Variants in MARCHF1 observed in about 807,000 individuals in gnomAD.
MARCHF1 encodes the protein membrane associated ring-CH-type finger 1.
In MARCHF1, 40 loss-of-function variants were observed where a neutral mutation model predicts 54.2. That is an observed-to-expected ratio of 0.74 (90% CI 0.57 to 0.96). The LOEUF (loss-of-function observed/expected upper bound fraction) is 0.96. Ranked by LOEUF, MARCHF1 falls within the 40% of genes least tolerant of loss-of-function variation. The pLI, the probability that MARCHF1 is intolerant of heterozygous loss-of-function variation, is 0.00. For missense variants in MARCHF1, 586 were observed against 656.5 expected, an observed-to-expected ratio of 0.89 and a Z score of 1.17; for synonymous variants, 236 against 236.3, an observed-to-expected ratio of 1.00 and a Z score of 0.01.
chr4:163,726,260 T>A (rs936313856), intron 4 of MARCHF1, among the ~76,000 whole-genome samples: 5 of 152,194 alleles, frequency 3.3e-5, no homozygotes, highest in African/African-American at 1.2e-4. Context: ...AAATCTTCTG[T>A]GCTCTGCCTA....
Position 163,889,919 on chromosome 4 carries a change from C to CTTTT in MARCHF1, c.-38-35754_-38-35751dup, listed in dbSNP as rs146357456. On this transcript the variant is annotated intron_variant, in intron 3 of 9. Coordinates refer to ENST00000514618, the MANE Select transcript of MARCHF1 (RefSeq NM_001394959.1). Reference sequence around the variant, plus strand: ...ATGTTAAACTTCGTTTATTTATTTTCTTTTTTCTTTTTTTTTTTTTTTTGA... The same window carrying CTTTT: ...ATGTTAAACTTCGTTTATTTATTTTCTTTTTTTTTTCTTTTTTTTTTTTTTTTGA... 5.6e-4 allele frequency among the ~76,000 whole-genome samples: 66 copies of CTTTT among 117,226 alleles called. 2 individuals are homozygous for CTTTT. The highest frequency in any genetic ancestry group is 1.5e-3 in the East Asian group (4 of 2,642). The allele number at this position is 117,226 out of a possible 152,430, so 76.9% of individuals were successfully genotyped here.
At chr4:164,328,443 T>G (rs1020035853) in intron 1 of MARCHF1, among the ~76,000 whole-genome samples, 2 of 152,222 alleles carry the variant, frequency 1.3e-5, no homozygotes, top group Non-Finnish European at 2.9e-5. Context: ...CAGTATGTAT[T>G]TCTTAAATCA....
At position 163,778,147 on chromosome 4, in the gene MARCHF1, A is replaced by C. The variant is rs191933464; in HGVS notation, c.111+75874T>G. Among the ~76,000 whole-genome samples the C allele has an allele frequency of 6.3e-5, 9 of 142,410 alleles. No individual in the cohort carries two copies. The Admixed American group carries it at 6.7e-4, about 11-fold the overall frequency. 93.4% of individuals were successfully genotyped at this position (142,410 alleles called of 152,430 possible). On this transcript the variant is annotated intron_variant, in intron 4 of 9. Transcript: ENST00000514618. ...GGATTCGATTACATGGATATACCAC[A>C]GTTTTCTTATCTATTTAGCAGTTGG... is the stretch of plus-strand genomic sequence containing the variant.
rs564461390 is a variant in MARCHF1 at position 164,106,235 on chromosome 4, A to G, written c.-248+5353T>C. Reference sequence around the variant, plus strand: ...ATTCCTCAGGGATCTAGAACTGGAAATACCATTTGACCCAGCCATCCCATT... The same window carrying G: ...ATTCCTCAGGGATCTAGAACTGGAAGTACCATTTGACCCAGCCATCCCATT... On this transcript the variant is annotated intron_variant, in intron 2 of 9. Coordinates refer to ENST00000514618, the MANE Select transcript of MARCHF1 (RefSeq NM_001394959.1). Among the ~76,000 whole-genome samples the G allele has an allele frequency of 1.7e-4, 22 of 133,140 alleles. No individual in the cohort carries two copies. The South Asian group carries it at 5.3e-3, about 32-fold the overall frequency. The allele number at this position is 133,140 out of a possible 152,430, so 87.3% of individuals were successfully genotyped here. A position where few individuals can be genotyped will look rare whatever the true frequency, so the allele number is the denominator to read the frequency against.
At chr4:163,820,014 T>A (rs963556631) in intron 4 of MARCHF1, among the ~76,000 whole-genome samples, 8 of 152,130 alleles carry the variant, frequency 5.3e-5, no homozygotes, top group Non-Finnish European at 1.0e-4. Context: ...CAATAATTTT[T>A]AAAAAATACC....
chr4:163,996,085 T>G (rs1007134656), intron 2 of MARCHF1, among the ~76,000 whole-genome samples: 3 of 151,990 alleles, frequency 2.0e-5, no homozygotes, highest in African/African-American at 7.2e-5. Context: ...TCCAATTTTT[T>G]TATTACTGAA....
intron 2 of MARCHF1, among the ~76,000 whole-genome samples, chr4:164,031,741 T>C (rs1753882127): frequency 6.6e-6 from 1 of 152,248 alleles, no homozygotes; most frequent in Non-Finnish European, 1.5e-5. Context: ...GCCAGTATTT[T>C]ATTGAGGATT....
rs543368265 is a variant in MARCHF1, at chr4:164,068,603, C to T, written c.-248+42985G>A. The stretch of plus-strand genomic sequence containing the variant: ...AGGTGCCTCCCTGCGGGGCAGCACT[C>T]GGGACCTGCAACCTGCCATGCCTGA... On this transcript the variant is annotated intron_variant, in intron 2 of 9. Coordinates refer to ENST00000514618, the MANE Select transcript of MARCHF1 (RefSeq NM_001394959.1). 3.5e-4 allele frequency among the ~76,000 whole-genome samples: 54 copies of T among 152,290 alleles called. No individual in the cohort carries two copies. The South Asian group carries it at 8.1e-3, about 23-fold the overall frequency.
chr4:164,135,051 TA>T (rs1429082414), intron 1 of MARCHF1, among the ~76,000 whole-genome samples: 2 of 152,162 alleles, frequency 1.3e-5, no homozygotes, highest in African/African-American at 2.4e-5. Flanking sequence ...CTTATTTAAA[TA>T]AAAAGACATA....
chr4:163,953,238 T>G (rs72687929), intron 3 of MARCHF1, among the ~76,000 whole-genome samples: 1 of 152,242 alleles, frequency 6.6e-6, no homozygotes, highest in Non-Finnish European at 1.5e-5. Context: ...TGCATCCTAT[T>G]GGGTGAGGCA....
intron 1 of MARCHF1, among the ~76,000 whole-genome samples, chr4:164,177,169 G>T (rs1048035485): frequency 6.6e-6 from 1 of 151,330 alleles, no homozygotes; most frequent in Non-Finnish European, 1.5e-5. Context: ...GTGTTCTTTT[G>T]TGCTGTACCT....
intron 3 of MARCHF1, among the ~76,000 whole-genome samples, chr4:163,916,498 G>T (rs1751310949): frequency 6.6e-6 from 1 of 151,988 alleles, no homozygotes; most frequent in African/African-American, 2.4e-5. Flanking sequence ...TAAGAGAAAA[G>T]GTGATTGTGA....
chr4:164,119,699 C>T (rs1004783898), intron 1 of MARCHF1, among the ~76,000 whole-genome samples: 23 of 150,732 alleles, frequency 1.5e-4, no homozygotes, highest in Admixed American at 1.4e-3. Flanking sequence ...TTTTAAAAAT[C>T]CTAAGGCTTT....
intron 1 of MARCHF1, among the ~76,000 whole-genome samples, chr4:164,141,760 C>A (rs970026959): frequency 3.3e-5 from 5 of 152,212 alleles, no homozygotes; most frequent in Non-Finnish European, 7.3e-5. Flanking sequence ...AATAATTACT[C>A]AGAGTGCAAT....
chr4:163,673,079 T>C (rs1477094108), intron 5 of MARCHF1, among the ~76,000 whole-genome samples: 1 of 152,208 alleles, frequency 6.6e-6, no homozygotes, highest in Non-Finnish European at 1.5e-5. Flanking sequence ...TAGTCAAAGG[T>C]TCCAGGGAGT....
chr4:163,627,414 T>C (rs2110978545), intron 5 of MARCHF1, among the ~76,000 whole-genome samples: 1 of 152,344 alleles, frequency 6.6e-6, no homozygotes, highest in East Asian at 1.9e-4. Context: ...TTATTAATTC[T>C]CATATATACC....
At chr4:163,995,840 A>G (rs1753064800) in intron 2 of MARCHF1, among the ~76,000 whole-genome samples, 1 of 152,092 alleles carries the variant, frequency 6.6e-6, no homozygotes, top group Non-Finnish European at 1.5e-5. Flanking sequence ...CCTGATCCAG[A>G]GACCCCTGTT....
At chr4:163,776,095 T>C (rs1301523452) in intron 4 of MARCHF1, among the ~76,000 whole-genome samples, 1 of 152,186 alleles carries the variant, frequency 6.6e-6, no homozygotes, top group African/African-American at 2.4e-5. Flanking sequence ...TTTGTTTAGA[T>C]TCTACTATGT....
chr4:164,054,863 G>C (rs1002470524), intron 2 of MARCHF1, among the ~76,000 whole-genome samples: 2 of 150,822 alleles, frequency 1.3e-5, no homozygotes, highest in African/African-American at 4.9e-5. Flanking sequence ...CACCAGCATG[G>C]CACATGTATA....
Sources: gnomAD v4.1 joint callset for allele counts (sites outside exome capture counted in the v4.1 genomes callset) on GRCh38, gnomAD v4.1.1 for gene constraint, MANE v1.5 for transcripts, NCBI Gene and HGNC (gene_info 2026-07-23, HGNC 2026-07-21) for gene names.